The following SLC9A9 variants were observed in gnomAD, a reference collection of about 807,000 sequenced individuals.
SLC9A9 encodes solute carrier family 9 member A9, also known as sodium/hydrogen exchanger 9.
Under a neutral mutation model 77.8 loss-of-function variants are expected in SLC9A9, and 62 were observed. The observed-to-expected ratio is 0.80, with a 90% CI of 0.65 to 0.98. The LOEUF is 0.98. SLC9A9 is among the 50% of genes least tolerant of loss of function. The pLI is 0.00. For synonymous variants in SLC9A9, 320 were observed against 283.5 expected (o/e 1.13, Z -1.29); for missense variants, 775 against 774.9 (o/e 1.00, Z 0.00).
intron 14 of SLC9A9, among the ~76,000 whole-genome samples, chr3:143,332,832 C>T (rs1469645578): frequency 6.6e-6 from 1 of 152,220 alleles, no homozygotes; most frequent in East Asian, 1.9e-4. Context: ...TATAGTACTA[C>T]TCATAATGGC....
intron 4 of SLC9A9, among the ~76,000 whole-genome samples, chr3:143,736,567 A>C (rs1398361886): frequency 6.6e-6 from 1 of 152,028 alleles, no homozygotes; most frequent in African/African-American, 2.4e-5. Context: ...GGAAGTAACT[A>C]CCCCTTCTTT....
intron 6 of SLC9A9, among the ~76,000 whole-genome samples, chr3:143,613,923 TGG>T (rs2038063543): frequency 6.6e-6 from 1 of 152,244 alleles, no homozygotes; most frequent in Non-Finnish European, 1.5e-5. Flanking sequence ...ATTATTCTTA[TGG>T]GAATTGAATT....
chr3:143,446,899 C>T lies in SLC9A9; in HGVS notation c.1469+20138G>A, dbSNP rs1576502238. On this transcript the variant is annotated intron_variant, in intron 12 of 15. Coordinates refer to ENST00000316549, the MANE Select transcript of SLC9A9 (RefSeq NM_173653.4). ...GTATGTGTGTGTGTGTGTGTGTGTG[C>T]ATGCACACATGTGTGCACACAATCA... Among the ~76,000 whole-genome samples, 3 of 149,942 alleles carry T rather than the reference C, an allele frequency of 2.0e-5. No homozygotes were observed. In the South Asian group the frequency reaches 6.3e-4, roughly 32 times the overall value.
chr3:143,634,734 A>AG (rs2038484533), intron 6 of SLC9A9, among the ~76,000 whole-genome samples: 1 of 152,110 alleles, frequency 6.6e-6, no homozygotes. Context: ...CTTTGTCTAC[A>AG]ATTTTTCTGA....
chr3:143,847,850 C>T (rs1356412306), intron 1 of SLC9A9: 3 of 440,138 alleles, frequency 6.8e-6, no homozygotes, highest in South Asian at 2.3e-5. Flanking sequence ...AACATCATTA[C>T]AAAAACAAAC....
At chr3:143,331,125 C>T (rs2031755777) in intron 14 of SLC9A9, among the ~76,000 whole-genome samples, 3 of 152,160 alleles carry the variant, frequency 2.0e-5, no homozygotes, top group Non-Finnish European at 4.4e-5. Context: ...TTCTGTATAA[C>T]ATTAACTGAT....
At chr3:143,629,397 C>G (rs1222789786) in intron 6 of SLC9A9, among the ~76,000 whole-genome samples, 1 of 152,078 alleles carries the variant, frequency 6.6e-6, no homozygotes, top group Non-Finnish European at 1.5e-5. Flanking sequence ...AATGAGTAAA[C>G]AAAATATAAT....
chr3:143,577,541 A>G (rs1182805186), intron 7 of SLC9A9, among the ~76,000 whole-genome samples: 1 of 152,186 alleles, frequency 6.6e-6, no homozygotes, highest in Non-Finnish European at 1.5e-5. Context: ...CAGTGTGATA[A>G]CTTCGATGCG....
chr3:143,496,984 A>G (rs1283154019), intron 9 of SLC9A9, among the ~76,000 whole-genome samples: 2 of 152,138 alleles, frequency 1.3e-5, no homozygotes, highest in Non-Finnish European at 2.9e-5. Flanking sequence ...GAGAGAGATC[A>G]TCACTTTTGT....
At chr3:143,488,551 G>A (rs2035689814) in intron 11 of SLC9A9, among the ~76,000 whole-genome samples, 1 of 151,950 alleles carries the variant, frequency 6.6e-6, no homozygotes, top group Non-Finnish European at 1.5e-5. Flanking sequence ...TATACACCAT[G>A]ACCAAGTGAG....
At chr3:143,639,177 C>CGGTG (rs760955807) in intron 6 of SLC9A9, among the ~76,000 whole-genome samples, 1 of 152,226 alleles carries the variant, frequency 6.6e-6, no homozygotes, top group Non-Finnish European at 1.5e-5. Flanking sequence ...CACCTACCCT[C>CGGTG]CACCCCCTGA....
intron 14 of SLC9A9, among the ~76,000 whole-genome samples, chr3:143,300,412 C>A (rs969463832): frequency 3.3e-5 from 5 of 152,154 alleles, no homozygotes; most frequent in Non-Finnish European, 5.9e-5. Flanking sequence ...AGCAGATAAA[C>A]CTCTTCAGTG....
chr3:143,439,544 TG>T (rs1367112647), intron 12 of SLC9A9, among the ~76,000 whole-genome samples: 1 of 152,096 alleles, frequency 6.6e-6, no homozygotes, highest in Non-Finnish European at 1.5e-5. Flanking sequence ...TCCTGAGCCA[TG>T]GGGGCTTTGG....
At chr3:143,827,758 A>G (rs2009336427) in intron 2 of SLC9A9, among the ~76,000 whole-genome samples, 1 of 152,230 alleles carries the variant, frequency 6.6e-6, no homozygotes, top group Non-Finnish European at 1.5e-5. Context: ...ACACTAAACT[A>G]TATTTTTCTA....
intron 5 of SLC9A9, among the ~76,000 whole-genome samples, chr3:143,663,698 A>G (rs978273467): frequency 6.6e-6 from 1 of 152,244 alleles, no homozygotes; most frequent in African/African-American, 2.4e-5. Flanking sequence ...GATTCCATCA[A>G]GTGGAAGAAA....
intron 9 of SLC9A9, among the ~76,000 whole-genome samples, chr3:143,495,852 C>G (rs74859138): frequency 0.034 from 5,134 of 152,268 alleles, 133 homozygotes; most frequent in East Asian, 0.13. Flanking sequence ...ATCCACTTGA[C>G]TTCCCAGGTA....
intron 9 of SLC9A9, among the ~76,000 whole-genome samples, chr3:143,498,149 A>G (rs945515480): frequency 3.3e-5 from 5 of 152,234 alleles, no homozygotes; most frequent in African/African-American, 9.6e-5. Context: ...GTGTACATAC[A>G]CATAGTACAA....
intron 4 of SLC9A9, among the ~76,000 whole-genome samples, chr3:143,715,781 G>A (rs1482798006): frequency 4.6e-5 from 7 of 152,142 alleles, no homozygotes; most frequent in East Asian, 3.9e-4. Context: ...CTCCCACACC[G>A]CAAGGTCAAG....
intron 4 of SLC9A9, among the ~76,000 whole-genome samples, chr3:143,725,631 T>C (rs9841395): frequency 0.87 from 105,661 of 121,028 alleles, 46,063 homozygotes; most frequent in East Asian, 0.99. Context: ...TAAACTATCG[T>C]AAGGACAAAA....
Sources: allele counts gnomAD v4.1 joint callset (sites outside exome capture counted in the v4.1 genomes callset), GRCh38; gene constraint gnomAD v4.1.1; transcripts MANE v1.5; gene names NCBI Gene and HGNC (gene_info 2026-07-23, HGNC 2026-07-21).